The following TATDN2 variants were observed in gnomAD, a reference collection of about 807,000 sequenced individuals.
The protein encoded by TATDN2 is 3'-5' RNA nuclease TATDN2.
A neutral mutation model predicts 60.3 loss-of-function variants in TATDN2; 44 were observed. That is an observed-to-expected ratio of 0.73 (90% confidence interval 0.57 to 0.94). The LOEUF (loss-of-function observed/expected upper bound fraction) is 0.94, where lower values mean the gene tolerates loss of function less well. Ranked by LOEUF, TATDN2 falls within the 40% of genes least tolerant of loss-of-function variation. The pLI is 0.00. For synonymous variants in TATDN2, 399 were observed against 355.8 expected (o/e 1.12, Z -1.37); for missense variants, 997 against 948.0 (o/e 1.05, Z -0.68).
chr3:10,276,254 TA>T (rs942550902), intron 4 of TATDN2, 106 bp from the exon 5 acceptor site: 5 of 1,394,546 alleles, frequency 3.6e-6, no homozygotes, highest in Non-Finnish European at 3.9e-6. Flanking sequence ...ATTATATAGT[TA>T]AAAAAAGAGA....
rs1340882948 is a variant in TATDN2, at chr3:10,249,270, A to T, written c.70A>T (p.Ser24Cys). 1.0e-5 allele frequency: 16 copies of T among 1,583,252 alleles called. 1 individual carries two copies. Among genetic ancestry groups the T allele is most frequent in the South Asian group, 2.3e-5 (2 of 87,888 alleles). Residue 24 changes from serine (S) to cysteine (C), a missense_variant, in exon 2 of 8, where the codon AGC becomes TGC. Coordinates refer to ENST00000448281, the MANE Select transcript of TATDN2 (RefSeq NM_014760.4). ...STSEGCPRKR[S>C]CLREPCDVAP... ...GTCGGAAGGGTGTCCCCGCAAGCGC[A>T]GCTGCCTCCGGGAGCCCTGTGATGT... is the stretch of plus-strand genomic sequence containing the variant.
rs575928956 is a variant in TATDN2, at chr3:10,271,238, G to C, written c.1833+223G>C. Among the ~76,000 whole-genome samples, 7 of 152,284 alleles carry C rather than the reference G, an allele frequency of 4.6e-5. No individual in the cohort carries two copies. In the South Asian group the frequency reaches 1.2e-3, roughly 27 times the overall value. On this transcript the variant is annotated intron_variant, in intron 4 of 7. Transcript: ENST00000448281. ...ATGGAAGATGAGGGAGAAGTACTTT[G>C]TGACTTCTTATGGATGATATCAATG...
At chr3:10,272,460 CAG>C (rs1698580670) in intron 4 of TATDN2, among the ~76,000 whole-genome samples, 1 of 146,366 alleles carries the variant, frequency 6.8e-6, no homozygotes, top group African/African-American at 2.5e-5. Context: ...TTTTTTAAGG[CAG>C]AGTTTCACTC....
At chr3:10,258,492 C>CA (rs1698349110) in intron 2 of TATDN2, among the ~76,000 whole-genome samples, 2 of 148,154 alleles carry the variant, frequency 1.3e-5, no homozygotes, top group South Asian at 2.1e-4. Context: ...TTTTTTGAGA[C>CA]AGAGTTTTGC....
At chr3:10,260,113 T>G in intron 2 of TATDN2, 24 bp from the exon 3 acceptor site, 1 of 1,589,942 alleles carries the variant, frequency 6.3e-7, no homozygotes, top group Non-Finnish European at 8.5e-7. Flanking sequence ...AACAGCCCTT[T>G]CAATTCTGTT....
At chr3:10,258,473 CT>C (rs62666361) in intron 2 of TATDN2, among the ~76,000 whole-genome samples, 14,083 of 142,816 alleles carry the variant, frequency 0.099, 757 homozygotes, top group East Asian at 0.27. Context: ...TATTTTGCTT[CT>C]TTTTTTTTTT....
chr3:10,272,708 G>A (rs1348119343), intron 4 of TATDN2, among the ~76,000 whole-genome samples: 2 of 151,962 alleles, frequency 1.3e-5, no homozygotes, highest in Non-Finnish European at 2.9e-5. Context: ...TGGCCAACGT[G>A]GCGAAACCCC....
chr3:10,258,604 G>T (rs759781139), intron 2 of TATDN2, among the ~76,000 whole-genome samples: 12 of 152,030 alleles, frequency 7.9e-5, no homozygotes, highest in Non-Finnish European at 1.6e-4. Flanking sequence ...GAGTAAGTGG[G>T]ATTACAGGTG....
chr3:10,274,490 T>A (rs1698606864), intron 4 of TATDN2, among the ~76,000 whole-genome samples: 1 of 152,242 alleles, frequency 6.6e-6, no homozygotes, highest in African/African-American at 2.4e-5. Flanking sequence ...AGCTGTGTAA[T>A]ATTCTATCCT....
intron 2 of TATDN2, among the ~76,000 whole-genome samples, chr3:10,251,428 CA>C (rs1698231081): frequency 6.6e-6 from 1 of 152,150 alleles, no homozygotes; most frequent in African/African-American, 2.4e-5. Flanking sequence ...CTGTGTCACC[CA>C]AGGTAGACTG....
chr3:10,252,151 A>C (rs1253303301), intron 2 of TATDN2, among the ~76,000 whole-genome samples: 2 of 149,302 alleles, frequency 1.3e-5, no homozygotes, highest in African/African-American at 4.9e-5. Context: ...CAGTCTCAAA[A>C]AAAAAAAAAA....
chr3:10,263,963 G>A (rs1334149057), intron 3 of TATDN2, among the ~76,000 whole-genome samples: 1 of 152,218 alleles, frequency 6.6e-6, no homozygotes, highest in Non-Finnish European at 1.5e-5. Context: ...GCCTGCTTAG[G>A]AGGAAAGGTG....
Position 10,270,141 on chromosome 3 carries a change from G to A in TATDN2, c.959G>A (p.Arg320Lys). Reference protein sequence around the residue: ...SHLEIQKHKDREVVMEHPSSG... With the variant: ...SHLEIQKHKDKEVVMEHPSSG... ...CCTTCTTTTCTGCAGCATAAAGATA[G>A]GGAGGTGGTGATGGAGCACCCCTCT... is the stretch of plus-strand genomic sequence containing the variant. The change falls in exon 4 of 8, where the codon AGG (arginine) becomes AAG (lysine). Residue 320 changes from arginine to lysine, a missense_variant. Transcript: ENST00000448281. 2 of 1,611,658 alleles carry A rather than the reference G, an allele frequency of 1.2e-6. No homozygotes were observed. The highest frequency in any genetic ancestry group is 1.7e-6 in the Non-Finnish European group (2 of 1,178,854).
chr3:10,249,387 G>T lies in TATDN2; in HGVS notation c.187G>T (p.Val63Leu). 1 of 1,613,246 alleles carries T rather than the reference G, an allele frequency of 6.2e-7. No individual in the cohort carries two copies. The highest frequency in any genetic ancestry group is 8.5e-7 in the Non-Finnish European group (1 of 1,179,684). ...KRLKAQKEDD[V>L]ACSRRLSWGS... ...CCTGAAAGCCCAGAAGGAGGACGAT[G>T]TGGCTTGCTCGCGGAGGTTATCCTG... is the stretch of plus-strand genomic sequence containing the variant. The change falls in exon 2 of 8, where the codon GTG (valine) becomes TTG (leucine). Residue 63 changes from valine (V) to leucine (L), a missense_variant. Val to Leu is a conservative substitution (Grantham distance 32). Transcript: ENST00000448281.
intron 1 of TATDN2, 51 bp downstream of exon 1, chr3:10,249,118 G>C (rs1208448516): frequency 6.8e-7 from 1 of 1,473,738 alleles, no homozygotes; most frequent in Non-Finnish European, 9.0e-7. Context: ...CGTCCTCCTG[G>C]GCCCGGGGTG....
chr3:10,251,182 T>G (rs1698228777), intron 2 of TATDN2, among the ~76,000 whole-genome samples: 1 of 152,078 alleles, frequency 6.6e-6, no homozygotes, highest in Non-Finnish European at 1.5e-5. Context: ...CTGGGAGTGA[T>G]GAGCTTCTAG....
chr3:10,278,608 T>G lies in TATDN2; in HGVS notation c.2145+146T>G, dbSNP rs1264098822. On this transcript the variant is annotated intron_variant, in intron 6 of 7. Coordinates refer to ENST00000448281, the MANE Select transcript of TATDN2 (RefSeq NM_014760.4). The surrounding 1 kb of genome is among the most constrained non-coding windows in gnomAD (Gnocchi z 4.7). ...TGTAGATGCCTCCTTGCTGTTACTC[T>G]GCAGAACCAAAAGTCTAGGGGGCTG... is the stretch of plus-strand genomic sequence containing the variant. The G allele has an allele frequency of 8.5e-7, 1 of 1,173,296 alleles. No individual in the cohort carries two copies. Among genetic ancestry groups the G allele is most frequent in the Non-Finnish European group, 1.3e-6 (1 of 798,474 alleles). 72.7% of individuals were successfully genotyped at this position (1,173,296 alleles called of 1,614,324 possible).
intron 3 of TATDN2, among the ~76,000 whole-genome samples, chr3:10,263,793 A>C (rs1698440306): frequency 6.6e-6 from 1 of 152,164 alleles, no homozygotes; most frequent in Non-Finnish European, 1.5e-5. Flanking sequence ...GTTTATGATC[A>C]AGAATGGGAG....
intron 3 of TATDN2, among the ~76,000 whole-genome samples, chr3:10,266,931 C>CTT (rs199956355): frequency 2.6e-4 from 33 of 126,882 alleles, no homozygotes; most frequent in African/African-American, 7.2e-4. Context: ...CTAAGGCAGT[C>CTT]TTTTTTTTTT....
Sources: allele counts gnomAD v4.1 joint callset (sites outside exome capture counted in the v4.1 genomes callset), GRCh38; gene constraint gnomAD v4.1.1; non-coding constraint Gnocchi (gnomAD v3.1); transcripts MANE v1.5; gene names NCBI Gene and HGNC (gene_info 2026-07-23, HGNC 2026-07-21).